DRC8: variants seen among roughly 807,000 people sequenced by gnomAD.
DRC8 encodes the protein dynein regulatory complex subunit 8, also known as dynein regulatory complex protein 8.
At chr1:245,087,196 A>G in the DRC8 span, 7 of 1,589,340 alleles carry the variant, frequency 4.4e-6, no homozygotes, top group South Asian at 4.6e-5. Flanking sequence ...GGAAAGAGAA[A>G]AAAATCAGAT....
the DRC8 span, among the ~76,000 whole-genome samples, chr1:245,054,817 A>T: frequency 3.3e-5 from 5 of 152,202 alleles, no homozygotes; most frequent in African/African-American, 1.2e-4. Flanking sequence ...ATTTTACCCC[A>T]CTTGTAAGCT....
chr1:245,064,117 G>A, the DRC8 span, among the ~76,000 whole-genome samples: 2 of 152,328 alleles, frequency 1.3e-5, no homozygotes, highest in South Asian at 4.1e-4. Flanking sequence ...CGAATCAGGT[G>A]TTAAGTGTCC....
chr1:245,054,280 G>A, the DRC8 span, among the ~76,000 whole-genome samples: 2 of 151,914 alleles, frequency 1.3e-5, no homozygotes, highest in Non-Finnish European at 2.9e-5. Flanking sequence ...CACTTCCTCT[G>A]GGCTCAAGTG....
chr1:245,011,565 G>A, the DRC8 span, among the ~76,000 whole-genome samples: 1 of 152,156 alleles, frequency 6.6e-6, no homozygotes. Context: ...AAATGCCTGG[G>A]ACCTCCAAAT....
At chr1:245,034,832 G>A in the DRC8 span, among the ~76,000 whole-genome samples, 1 of 148,904 alleles carries the variant, frequency 6.7e-6, no homozygotes, top group African/African-American at 2.5e-5. Flanking sequence ...TTGGGAAACA[G>A]TGTAACAGTA....
the DRC8 span, chr1:244,970,783 T>G: frequency 2.9e-4 from 86 of 292,578 alleles, no homozygotes; most frequent in Non-Finnish European, 3.3e-4. Flanking sequence ...CCCGTCCTCC[T>G]TCCCCCTCCC....
At chr1:245,008,564 T>G in the DRC8 span, among the ~76,000 whole-genome samples, 1 of 152,158 alleles carries the variant, frequency 6.6e-6, no homozygotes, top group African/African-American at 2.4e-5. Context: ...AATGAGTAAC[T>G]GTTCATGCAG....
the DRC8 span, among the ~76,000 whole-genome samples, chr1:245,119,943 A>T: frequency 1.6e-4 from 5 of 31,178 alleles, no homozygotes; most frequent in East Asian, 3.1e-3. Context: ...AAAAAAAAAT[A>T]AAAAATAAGT....
chr1:245,102,329 A>C, the DRC8 span, among the ~76,000 whole-genome samples: 1 of 102,940 alleles, frequency 9.7e-6, no homozygotes, highest in African/African-American at 3.1e-5. Flanking sequence ...GTCATTAGGA[A>C]CTTTATTTAT....
the DRC8 span, chr1:245,121,816 G>T: frequency 7.8e-6 from 3 of 384,374 alleles, no homozygotes; most frequent in Non-Finnish European, 1.5e-5. Flanking sequence ...TCCCTCAGCA[G>T]CCTCACAGGC....
the DRC8 span, among the ~76,000 whole-genome samples, chr1:245,061,263 A>G: frequency 6.6e-6 from 1 of 152,244 alleles, no homozygotes; most frequent in Admixed American, 6.5e-5. Flanking sequence ...ATCAACTGTT[A>G]CTTGGTGGGC....
the DRC8 span, among the ~76,000 whole-genome samples, chr1:245,041,763 GTCC>G: frequency 7.9e-5 from 12 of 152,118 alleles, no homozygotes; most frequent in Admixed American, 7.9e-4. Context: ...TCTGACTTGT[GTCC>G]TCCTAAGAAG....
the DRC8 span, among the ~76,000 whole-genome samples, chr1:245,105,630 A>AC: frequency 6.6e-6 from 1 of 150,668 alleles, no homozygotes; most frequent in South Asian, 2.1e-4. Flanking sequence ...CTCAAAAAAA[A>AC]AAAAAAAACA....
At chr1:245,105,829 C>T in the DRC8 span, among the ~76,000 whole-genome samples, 1 of 152,136 alleles carries the variant, frequency 6.6e-6, no homozygotes, top group Non-Finnish European at 1.5e-5. Flanking sequence ...ATAATCCCAA[C>T]ACTTTGGGAG....
chr1:244,987,539 T>C, the DRC8 span, among the ~76,000 whole-genome samples: 1 of 152,056 alleles, frequency 6.6e-6, no homozygotes, highest in African/African-American at 2.4e-5. Context: ...TGGTATATTG[T>C]CTTTGGATCA....
chr1:245,039,522 T>A, the DRC8 span, among the ~76,000 whole-genome samples: 1 of 151,396 alleles, frequency 6.6e-6, no homozygotes, highest in African/African-American at 2.4e-5. Flanking sequence ...ATTCACATCT[T>A]ACATAACTAC....
chr1:245,103,751 A>G, the DRC8 span, among the ~76,000 whole-genome samples: 1 of 152,164 alleles, frequency 6.6e-6, no homozygotes, highest in Non-Finnish European at 1.5e-5. Context: ...GTGGTCTGGG[A>G]AGCACTGCTT....
the DRC8 span, chr1:244,969,720 C>T: frequency 5.2e-6 from 1 of 191,520 alleles, no homozygotes; most frequent in Non-Finnish European, 1.1e-5. Flanking sequence ...GCTCTGGTTT[C>T]CTCTTGCGCC....
the DRC8 span, among the ~76,000 whole-genome samples, chr1:244,987,209 T>C: frequency 1.3e-5 from 2 of 151,958 alleles, no homozygotes; most frequent in Non-Finnish European, 2.9e-5. Context: ...TTCTTTCTTT[T>C]TTTTTTTTTG....
Sources: allele counts gnomAD v4.1 joint callset (sites outside exome capture counted in the v4.1 genomes callset), GRCh38; gene constraint gnomAD v4.1.1; transcripts MANE v1.5; gene names NCBI Gene and HGNC (gene_info 2026-07-23, HGNC 2026-07-21).